The following RPS6KC1 variants were observed in gnomAD, a reference collection of about 807,000 sequenced individuals.
The protein encoded by RPS6KC1 is inactive ribosomal protein S6 kinase delta-1.
In RPS6KC1, 54 loss-of-function variants were observed where a neutral mutation model predicts 103.8. The ratio of observed to expected loss-of-function variants is 0.52; its 90% CI spans 0.42 to 0.65. RPS6KC1 has a LOEUF of 0.65. Among genes scored for constraint, RPS6KC1 ranks in the 30% least tolerant of loss-of-function variants. The pLI, the probability that RPS6KC1 is intolerant of heterozygous loss-of-function variation, is 0.00. For missense variants in RPS6KC1, 1,151 were observed against 1,253.8 expected, an observed-to-expected ratio of 0.92 and a Z score of 1.24; for synonymous variants, 439 against 438.7, an observed-to-expected ratio of 1.00 and a Z score of -0.01.
the RPS6KC1 span, among the ~76,000 whole-genome samples, chr1:213,545,371 C>CAAATAAATAAATAAATAAATAAAT: frequency 8.4e-6 from 1 of 119,658 alleles, no homozygotes; most frequent in Non-Finnish European, 1.7e-5. Flanking sequence ...AACTCTGTCT[C>CAAATAAATAAATAAATAAATAAAT]AAATAAATAA....
chr1:213,784,628 G>A, the RPS6KC1 span, among the ~76,000 whole-genome samples: 1 of 152,214 alleles, frequency 6.6e-6, no homozygotes, highest in African/African-American at 2.4e-5. Context: ...GGCAGAGCTG[G>A]ACTGAGACTA....
At chr1:213,345,150 G>T in the RPS6KC1 span, among the ~76,000 whole-genome samples, 94,102 of 151,968 alleles carry the variant, frequency 0.62, 29,491 homozygotes, top group Non-Finnish European at 0.68. Context: ...ATTTACTCAA[G>T]AATAAATTAG....
the RPS6KC1 span, among the ~76,000 whole-genome samples, chr1:213,649,128 C>T: frequency 6.6e-6 from 1 of 152,022 alleles, no homozygotes; most frequent in African/African-American, 2.4e-5. Context: ...GCTCTTGCTC[C>T]CATCCCTTTC....
the RPS6KC1 span, among the ~76,000 whole-genome samples, chr1:213,392,626 C>T: frequency 6.6e-6 from 1 of 152,298 alleles, no homozygotes; most frequent in African/African-American, 2.4e-5. Context: ...TCTTATGCAT[C>T]TTTGTATTTA....
the RPS6KC1 span, among the ~76,000 whole-genome samples, chr1:213,360,196 A>G: frequency 1.7e-4 from 26 of 152,316 alleles, no homozygotes; most frequent in African/African-American, 6.0e-4. Flanking sequence ...AGGTACACCA[A>G]TCGGACGCAG....
chr1:213,602,396 G>A, the RPS6KC1 span, among the ~76,000 whole-genome samples: 1 of 151,018 alleles, frequency 6.6e-6, no homozygotes, highest in East Asian at 2.0e-4. Context: ...ACTGCACCCA[G>A]CTAGTTTCTC....
At chr1:213,123,074 A>C (rs879914641) in intron 5 of RPS6KC1, among the ~76,000 whole-genome samples, 6 of 152,296 alleles carry the variant, frequency 3.9e-5, no homozygotes, top group Admixed American at 3.9e-4. Context: ...CTTATTTCAC[A>C]ATTACAGAGT....
chr1:213,846,251 G>T, the RPS6KC1 span, among the ~76,000 whole-genome samples: 4 of 150,940 alleles, frequency 2.7e-5, no homozygotes, highest in African/African-American at 9.8e-5. Flanking sequence ...AGTGAACCGA[G>T]ATCACACCAC....
At chr1:213,079,584 A>C (rs2079666448) in intron 3 of RPS6KC1, among the ~76,000 whole-genome samples, 2 of 151,672 alleles carry the variant, frequency 1.3e-5, no homozygotes, top group Admixed American at 1.3e-4. Context: ...TGCCTGGCTA[A>C]TTTTTCTATT....
chr1:213,825,225 C>A, the RPS6KC1 span, among the ~76,000 whole-genome samples: 5 of 152,282 alleles, frequency 3.3e-5, no homozygotes, highest in African/African-American at 1.2e-4. Context: ...TTCAGGAATA[C>A]CCCCAGGGTC....
At chr1:213,052,799 C>T (rs2077057916) in intron 1 of RPS6KC1, among the ~76,000 whole-genome samples, 1 of 152,134 alleles carries the variant, frequency 6.6e-6, no homozygotes, top group African/African-American at 2.4e-5. Context: ...GCCTCGGCCT[C>T]CCAAAGTGCT....
chr1:213,778,830 T>C, the RPS6KC1 span, among the ~76,000 whole-genome samples: 1 of 152,050 alleles, frequency 6.6e-6, no homozygotes, highest in African/African-American at 2.4e-5. Context: ...CAGGATTAGA[T>C]TTGGTCTCTA....
the RPS6KC1 span, among the ~76,000 whole-genome samples, chr1:213,788,349 A>C: frequency 6.6e-6 from 1 of 152,224 alleles, no homozygotes; most frequent in East Asian, 1.9e-4. Flanking sequence ...TCAAGCAGGC[A>C]TACAAACTGT....
intron 6 of RPS6KC1, among the ~76,000 whole-genome samples, chr1:213,151,835 C>T (rs1437742912): frequency 7.8e-6 from 1 of 128,500 alleles, no homozygotes; most frequent in East Asian, 2.5e-4. Flanking sequence ...AGGGGCTGAC[C>T]CCCCCACCTC....
At chr1:213,506,850 A>T in the RPS6KC1 span, among the ~76,000 whole-genome samples, 4 of 152,228 alleles carry the variant, frequency 2.6e-5, no homozygotes, top group Non-Finnish European at 4.4e-5. Context: ...GGATTTTAAA[A>T]GAATTAGTGA....
At chr1:213,202,482 G>A (rs57987463) in intron 8 of RPS6KC1, among the ~76,000 whole-genome samples, 5,522 of 151,876 alleles carry the variant, frequency 0.036, 283 homozygotes, top group African/African-American at 0.12. Flanking sequence ...GTGTGGTGGC[G>A]GGTGCCTGTA....
At chr1:213,120,100 A>G (rs1022227865) in intron 5 of RPS6KC1, among the ~76,000 whole-genome samples, 4 of 152,156 alleles carry the variant, frequency 2.6e-5, no homozygotes, top group African/African-American at 9.7e-5. Flanking sequence ...TTTATGAGAG[A>G]AATTGGGGCT....
At chr1:213,398,901 T>G in the RPS6KC1 span, among the ~76,000 whole-genome samples, 2 of 152,142 alleles carry the variant, frequency 1.3e-5, no homozygotes, top group African/African-American at 4.8e-5. Flanking sequence ...AAATGTCCAT[T>G]TAGAGTCTAT....
chr1:213,831,803 A>G, the RPS6KC1 span, among the ~76,000 whole-genome samples: 1 of 152,224 alleles, frequency 6.6e-6, no homozygotes, highest in Admixed American at 6.5e-5. Flanking sequence ...TATGTGGACC[A>G]AAGTAGATAT....
Sources: allele counts gnomAD v4.1 joint callset (sites outside exome capture counted in the v4.1 genomes callset), GRCh38; gene constraint gnomAD v4.1.1; transcripts MANE v1.5; gene names NCBI Gene and HGNC (gene_info 2026-07-23, HGNC 2026-07-21).